RYR2: variants seen among roughly 807,000 people sequenced by gnomAD.
RYR2 encodes the protein cardiac muscle ryanodine receptor-calcium release channel.
Under a neutral mutation model 601.1 loss-of-function variants are expected in RYR2, and 227 were observed. That is an observed-to-expected ratio of 0.38 (90% CI 0.34 to 0.42). The LOEUF (loss-of-function observed/expected upper bound fraction) is 0.42. Ranked by LOEUF, RYR2 falls within the 10% of genes least tolerant of loss-of-function variation. The pLI is 1.00. For synonymous variants in RYR2, 2,223 were observed against 2,175.1 expected (o/e 1.02, Z -0.61); for missense variants, 4,646 against 6,156.5 (o/e 0.75, Z 8.21).
rs141971511 is a variant in RYR2 at position 237,422,604 on chromosome 1, A to C, written c.849-488A>C. Among the ~76,000 whole-genome samples, 518 of 152,322 alleles carry C rather than the reference A, an allele frequency of 3.4e-3. 1 individual carries two copies. Among genetic ancestry groups the C allele is most frequent in the Non-Finnish European group, 5.7e-3 (387 of 68,034 alleles). ...TAAATATAGTCTAACTATAGACTTC[A>C]GTTTATATATATGAGTTCCAATTAA... On this transcript the variant is annotated intron_variant, in intron 11 of 104. Transcript: ENST00000366574.
intron 1 of RYR2, among the ~76,000 whole-genome samples, chr1:237,123,138 C>T (rs189586053): frequency 2.9e-4 from 44 of 152,260 alleles, no homozygotes; most frequent in Admixed American, 2.1e-3. Flanking sequence ...AGATGATGCC[C>T]ATAGTGAGAA....
intron 95 of RYR2, among the ~76,000 whole-genome samples, chr1:237,795,038 T>A (rs1039196689): frequency 3.3e-5 from 5 of 152,334 alleles, no homozygotes; most frequent in Admixed American, 2.6e-4. Context: ...ACCTAATAAA[T>A]ATGCTCATAT....
chr1:237,792,368 T>TGCGCGCGC, intron 94 of RYR2, 45 bp downstream of exon 94: 1 of 928,266 alleles, frequency 1.1e-6, no homozygotes, highest in South Asian at 1.6e-5. Flanking sequence ...TGTGTGTGTG[T>TGCGCGCGC]GTGTGTGTGT....
At chr1:237,235,017 G>A (rs1384706074) in intron 1 of RYR2, among the ~76,000 whole-genome samples, 1 of 152,060 alleles carries the variant, frequency 6.6e-6, no homozygotes, top group Non-Finnish European at 1.5e-5. Flanking sequence ...GGGGTTCAGG[G>A]TCCACTTGGT....
At chr1:237,631,818 CG>C (rs1467643726) in intron 42 of RYR2, among the ~76,000 whole-genome samples, 1 of 150,660 alleles carries the variant, frequency 6.6e-6, no homozygotes, top group Non-Finnish European at 1.5e-5. Flanking sequence ...TTAGTAGAGA[CG>C]GGGTTTCACT....
chr1:237,087,840 G>A (rs1666521651), intron 1 of RYR2, among the ~76,000 whole-genome samples: 1 of 152,144 alleles, frequency 6.6e-6, no homozygotes, highest in African/African-American at 2.4e-5. Context: ...AATTTTGTGT[G>A]ATTTTCATCT....
chr1:237,042,689 C>T (rs1660059623), intron 1 of RYR2, 120 bp downstream of exon 1: 1 of 997,370 alleles, frequency 1.0e-6, no homozygotes, highest in Non-Finnish European at 1.3e-6. Context: ...GGGGGTGCCC[C>T]CTGAGGATGC....
In RYR2 at chr1:237,784,949, C is replaced by A. The variant is rs773441342; in HGVS notation, c.13237C>A (p.Pro4413Thr). The change falls in exon 90 of 105, where the codon CCT becomes ACT. Residue 4413 changes from proline to threonine, a missense_variant. Around this residue, in one of 17 missense-constraint regions of RYR2, gnomAD observed 364 missense variants for 442.9 expected, o/e 0.82. Transcript: ENST00000366574. This position sits in a 1 kb window ranked among gnomAD's most constrained non-coding sequence, Gnocchi z 7.1. ...CCTCATGAGCAACCCAGTCCCCATG[C>A]CTGAGGTGCAGGAAAAATTTCAGGT... ...SDLMSNPVPM[P>T]EVQEKFQEQK... The A allele has an allele frequency of 8.1e-6, 13 of 1,598,282 alleles. No homozygotes were observed. The African/African-American group carries it at 1.7e-4, about 21-fold the overall frequency.
At position 237,208,936 on chromosome 1, in the gene RYR2, GTATATATATATATATATATATA is replaced by G. The variant is rs56133827; in HGVS notation, c.49-61533_49-61512del. On this transcript the variant is annotated intron_variant, in intron 1 of 104. Transcript: ENST00000366574. ...CATCTGTACAACCAAATGTGTGTGT[GTATATATATATATATATATATA>G]TATATATATATATATATATATATAT... 3.8e-3 allele frequency among the ~76,000 whole-genome samples: 338 copies of G among 89,880 alleles called. 8 individuals carry two copies. The highest frequency in any genetic ancestry group is 7.0e-3 in the Middle Eastern group (1 of 142). 59.0% of individuals were successfully genotyped at this position (89,880 alleles called of 152,430 possible).
At chr1:237,577,603 G>A (rs1159999754) in intron 29 of RYR2, among the ~76,000 whole-genome samples, 15 of 151,802 alleles carry the variant, frequency 9.9e-5, no homozygotes, top group Admixed American at 9.2e-4. Context: ...GGGAAAGCCA[G>A]AGACCTCTAG....
At chr1:237,638,991 C>T in intron 45 of RYR2, 24 bp from the exon 46 acceptor site, 2 of 1,611,112 alleles carry the variant, frequency 1.2e-6, no homozygotes, top group Non-Finnish European at 1.7e-6. Flanking sequence ...TATTTGTTTA[C>T]TTATCTTCCC....
intron 1 of RYR2, among the ~76,000 whole-genome samples, chr1:237,214,618 T>C (rs1417470266): frequency 6.6e-6 from 1 of 152,178 alleles, no homozygotes; most frequent in African/African-American, 2.4e-5. Context: ...ACCTCTGACA[T>C]TGGGGATCAC....
At chr1:237,198,169 C>T (rs1376577346) in intron 1 of RYR2, among the ~76,000 whole-genome samples, 1 of 152,160 alleles carries the variant, frequency 6.6e-6, no homozygotes, top group Non-Finnish European at 1.5e-5. Context: ...TTCCAGAAAG[C>T]ACTGTAGATG....
chr1:237,065,375 G>A (rs1404246124), intron 1 of RYR2, among the ~76,000 whole-genome samples: 3 of 146,742 alleles, frequency 2.0e-5, no homozygotes, highest in Non-Finnish European at 3.0e-5. Context: ...CACCTCCCGG[G>A]TTCAAGCCAT....
intron 3 of RYR2, among the ~76,000 whole-genome samples, chr1:237,336,947 A>G (rs2149594731): frequency 6.7e-6 from 1 of 149,408 alleles, no homozygotes; most frequent in South Asian, 2.2e-4. Flanking sequence ...CATGTACTCT[A>G]AGAACATTCA....
chr1:237,700,480 A>T lies in RYR2; in HGVS notation c.9367+13A>T. ...GAAGACCTAATATGTATGTAAATTT[A>T]TATCTTGGAGTTTTTTTTTTTTTAA... On this transcript the variant is annotated intron_variant, in intron 65 of 104. Transcript: ENST00000366574. 2 of 1,359,058 alleles carry T rather than the reference A, an allele frequency of 1.5e-6. No individual in the cohort carries two copies. The highest frequency in any genetic ancestry group is 2.1e-6 in the Non-Finnish European group (2 of 973,790). 84.2% of individuals were successfully genotyped at this position (1,359,058 alleles called of 1,614,324 possible).
At chr1:237,198,132 G>A (rs1314364844) in intron 1 of RYR2, among the ~76,000 whole-genome samples, 3 of 152,218 alleles carry the variant, frequency 2.0e-5, no homozygotes, top group Non-Finnish European at 4.4e-5. Flanking sequence ...TTATGGCCAT[G>A]CACTTTGGAG....
At chr1:237,701,956 G>C (rs373755554) in intron 65 of RYR2, 22 bp from the exon 66 acceptor site, 2 of 1,451,994 alleles carry the variant, frequency 1.4e-6, no homozygotes, top group Non-Finnish European at 1.9e-6. Context: ...TTTCTTTCAA[G>C]TGAGATTCTC....
At chr1:237,789,066 T>C (rs1198301512) in intron 92 of RYR2, among the ~76,000 whole-genome samples, 1 of 151,704 alleles carries the variant, frequency 6.6e-6, no homozygotes, top group East Asian at 1.9e-4. Context: ...TATAAATTTT[T>C]ATAATTTTTA....
Sources: allele counts gnomAD v4.1 joint callset (sites outside exome capture counted in the v4.1 genomes callset), GRCh38; gene constraint gnomAD v4.1.1; regional missense constraint gnomAD v4.1.1; non-coding constraint Gnocchi (gnomAD v3.1); transcripts MANE v1.5; gene names NCBI Gene and HGNC (gene_info 2026-07-23, HGNC 2026-07-21).